Variants in SMARCC2 observed in about 807,000 individuals in gnomAD.
SMARCC2 encodes the protein SWI/SNF related BAF chromatin remodeling complex subunit C2, also known as SWI/SNF complex subunit SMARCC2.
Under a neutral mutation model 151.3 loss-of-function variants are expected in SMARCC2, and 15 were observed. The observed-to-expected ratio is 0.10, with a 90% CI of 0.07 to 0.15. The LOEUF (loss-of-function observed/expected upper bound fraction) is 0.15. Among genes scored for constraint, SMARCC2 ranks in the 10% least tolerant of loss-of-function variants. The pLI is 1.00. For missense variants in SMARCC2, 1,031 were observed against 1,599.7 expected, an observed-to-expected ratio of 0.64 and a Z score of 6.06; for synonymous variants, 590 against 609.5, an observed-to-expected ratio of 0.97 and a Z score of 0.47.
At chr12:56,187,608 C>A (rs1262936995) in intron 1 of SMARCC2, among the ~76,000 whole-genome samples, 1 of 152,154 alleles carries the variant, frequency 6.6e-6, no homozygotes, top group Non-Finnish European at 1.5e-5. Context: ...GGCACCTCAT[C>A]TTTAACCAAC....
chr12:56,178,837 T>A lies in SMARCC2; in HGVS notation c.1152A>T (p.Glu384Asp). The change falls in exon 13 of 29, where the codon GAA becomes GAT. Residue 384 changes from glutamate (E) to aspartate (D), a missense_variant. Around this residue, in one of 12 missense-constraint regions of SMARCC2, gnomAD observed 127 missense variants for 141.7 expected, o/e 0.90. Transcript: ENST00000550164. ...GGTMTDLDEQ[E>D]DESMETTGKD... is the part of the protein sequence containing the mutation. The stretch of plus-strand genomic sequence containing the variant: ...TGCCCGTCGTCTCCATGCTTTCATC[T>A]TCCTGTTCATCTGAAAGAGAAAAAC... 6.2e-7 allele frequency: 1 copy of A among 1,614,158 alleles called. No individual in the cohort carries two copies. Among genetic ancestry groups the A allele is most frequent in the Non-Finnish European group, 8.5e-7 (1 of 1,179,984 alleles).
rs770558752 is a variant in SMARCC2 at position 56,172,443 on chromosome 12, G to A, written c.1911C>T (p.Thr637=). Reference sequence around the variant, plus strand: ...CCCCAATTACCTCCAGGAGAAGCAGGGTTTCCTGTTCTGTCCACTCACGAG... The same window carrying A: ...CCCCAATTACCTCCAGGAGAAGCAGAGTTTCCTGTTCTGTCCACTCACGAG... ...SATREWTEQE[T]LLLLEALEMY... is the part of the protein sequence containing the mutation. The change falls in exon 20 of 29, where the codon ACC becomes ACT. Residue 637 remains threonine (T), a synonymous_variant. Coordinates refer to ENST00000550164, the MANE Select transcript of SMARCC2 (RefSeq NM_001330288.2). 5 of 1,573,144 alleles carry A rather than the reference G, an allele frequency of 3.2e-6. No homozygotes were observed. Among genetic ancestry groups the A allele is most frequent in the Non-Finnish European group, 4.3e-6 (5 of 1,161,378 alleles).
At chr12:56,183,979 A>C in intron 6 of SMARCC2, 49 bp from the exon 7 acceptor site, 2 of 1,347,538 alleles carry the variant, frequency 1.5e-6, no homozygotes, top group Non-Finnish European at 2.1e-6. Context: ...AGGGGGACAC[A>C]AAAAAAATAC....
chr12:56,178,097 C>T lies in SMARCC2; in HGVS notation c.1311-4G>A, dbSNP rs1875385610. 1.9e-6 allele frequency: 3 copies of T among 1,610,372 alleles called. No individual in the cohort carries two copies. In the East Asian group the frequency reaches 6.7e-5, roughly 36 times the overall value. On this transcript the variant is annotated splice_region_variant and splice_polypyrimidine_tract_variant and intron_variant, in intron 14 of 28. Transcript: ENST00000550164. Reference sequence around the variant, plus strand: ...CCTCCGCTCAATGGCATGAACACTGCAAGAAAAGCCAGAATGGTTTCAGAA... The same window carrying T: ...CCTCCGCTCAATGGCATGAACACTGTAAGAAAAGCCAGAATGGTTTCAGAA...
chr12:56,176,443 C>T lies in SMARCC2; in HGVS notation c.1382+1579G>A, dbSNP rs1188096978. Among the ~76,000 whole-genome samples, 4 of 152,160 alleles carry T rather than the reference C, an allele frequency of 2.6e-5. No homozygotes were observed. The East Asian group carries it at 5.8e-4, about 22-fold the overall frequency. Reference sequence around the variant, plus strand: ...TCCTAACCAAAGAAGACTGCCATGTCTTATCCAAAGCCAAGCAGGTTTGGC... The same window carrying T: ...TCCTAACCAAAGAAGACTGCCATGTTTTATCCAAAGCCAAGCAGGTTTGGC... On this transcript the variant is annotated intron_variant, in intron 15 of 28. Coordinates refer to ENST00000550164, the MANE Select transcript of SMARCC2 (RefSeq NM_001330288.2).
intron 1 of SMARCC2, among the ~76,000 whole-genome samples, chr12:56,188,749 T>C (rs1251641558): frequency 6.6e-6 from 1 of 152,144 alleles, no homozygotes; most frequent in Non-Finnish European, 1.5e-5. Context: ...GGAACTCCTA[T>C]ACCCCGGCTC....
At chr12:56,172,857 CTCA>C in intron 18 of SMARCC2, 77 bp downstream of exon 18, 1 of 1,575,572 alleles carries the variant, frequency 6.3e-7, no homozygotes, top group South Asian at 1.1e-5. Flanking sequence ...TTCCTCTGCT[CTCA>C]TGTCTCTTCT....
At chr12:56,180,034 T>C (rs1019993290) in intron 11 of SMARCC2, among the ~76,000 whole-genome samples, 1 of 151,858 alleles carries the variant, frequency 6.6e-6, no homozygotes, top group African/African-American at 2.4e-5. Flanking sequence ...TTTTTAGATA[T>C]GTTTGTGTTT....
intron 11 of SMARCC2, among the ~76,000 whole-genome samples, chr12:56,179,602 A>G (rs1373711565): frequency 6.6e-6 from 1 of 152,214 alleles, no homozygotes; most frequent in African/African-American, 2.4e-5. Flanking sequence ...TGGTGGAGCA[A>G]TGTCTCCAAA....
In SMARCC2 at chr12:56,164,386, C is replaced by T; in HGVS notation, c.3578G>A (p.Gly1193Glu). 1 of 1,613,830 alleles carries T rather than the reference C, an allele frequency of 6.2e-7. No homozygotes were observed. The highest frequency in any genetic ancestry group is 1.1e-5 in the South Asian group (1 of 91,074). The change falls in exon 28 of 29, where the codon GGG becomes GAG. Residue 1193 changes from glycine to glutamate, a missense_variant. By Grantham distance (98) the Gly-to-Glu change is moderately conservative (BLOSUM62 -2). Transcript: ENST00000550164. ...GCTTTGGGCTGCGGCGGATCCGAGC[C>T]CCGGCCCGAGAGGCAAGGAAGATGG... ...TMPSSLPLGPGLGSAAAQSPA... is the reference protein window; with the variant it reads ...TMPSSLPLGPELGSAAAQSPA...
In SMARCC2 at chr12:56,174,658, T is replaced by C. The variant is rs1415823630; in HGVS notation, c.1489A>G (p.Ile497Val). 2.5e-6 allele frequency: 4 copies of C among 1,611,678 alleles called. No individual in the cohort carries two copies. The highest frequency in any genetic ancestry group is 3.4e-6 in the Non-Finnish European group (4 of 1,178,058). ...CTCAGCCACAAGACCCACCTCATGA[T>C]GGCACAGACATCACCCGCTAGGTTT... The part of the protein sequence containing the change: ...RRNLAGDVCA[I>V]MRVHAFLEQW... The change falls in exon 16 of 29, where the codon ATC (isoleucine) becomes GTC (valine). Residue 497 changes from isoleucine (I) to valine (V), a missense_variant. Ile to Val is a conservative substitution (Grantham distance 29). Transcript: ENST00000550164.
At chr12:56,182,996 G>A (rs1444844431) in intron 7 of SMARCC2, among the ~76,000 whole-genome samples, 2 of 150,708 alleles carry the variant, frequency 1.3e-5, no homozygotes, top group Non-Finnish European at 3.0e-5. Context: ...ACCATGCCCA[G>A]CTAATTTCTG....
chr12:56,182,865 G>C (rs1876509986), intron 7 of SMARCC2, among the ~76,000 whole-genome samples: 1 of 145,594 alleles, frequency 6.9e-6, no homozygotes, highest in South Asian at 2.3e-4. Flanking sequence ...ACAGGGTCTT[G>C]CTCTATTGCC....
Position 56,174,000 on chromosome 12 carries a change from C to G in SMARCC2, c.1497-151G>C, listed in dbSNP as rs1172680470. The stretch of plus-strand genomic sequence containing the variant: ...CATTGTACTCCTTAAGAAATCTCAC[C>G]TACTCCAGTTGTTCATTTATCACCT... On this transcript the variant is annotated intron_variant, in intron 16 of 28. Coordinates refer to ENST00000550164, the MANE Select transcript of SMARCC2 (RefSeq NM_001330288.2). 2.0e-5 allele frequency: 12 copies of G among 605,668 alleles called. No individual in the cohort carries two copies. The Admixed American group carries it at 3.4e-4, about 17-fold the overall frequency. The allele number at this position is 605,668 out of a possible 1,614,324, so 37.5% of individuals were successfully genotyped here.
Position 56,163,674 on chromosome 12 carries a change from T to G in SMARCC2, c.*15A>C. 4 of 1,468,518 alleles carry G rather than the reference T, an allele frequency of 2.7e-6. 1 individual carries two copies. In the Middle Eastern group the frequency reaches 5.5e-4, roughly 202 times the overall value. 91.0% of individuals were successfully genotyped at this position (1,468,518 alleles called of 1,614,324 possible). On this transcript the variant is annotated 3_prime_UTR_variant, in exon 29 of 29. Transcript: ENST00000550164. The stretch of plus-strand genomic sequence containing the variant: ...GTCCACAGGGGGTGAGGGGGAGAGA[T>G]GTCTGGCTGGCTCCTCACTGTGGAG...
intron 20 of SMARCC2, 66 bp from the exon 21 acceptor site, chr12:56,172,003 C>A: frequency 2.0e-6 from 3 of 1,482,958 alleles, no homozygotes; most frequent in Non-Finnish European, 1.8e-6. Flanking sequence ...TGACTCCCCC[C>A]ATCCTACTAA....
chr12:56,181,849 GC>G lies in SMARCC2; in HGVS notation c.709-15del. On this transcript the variant is annotated splice_polypyrimidine_tract_variant and intron_variant, in intron 8 of 28. Coordinates refer to ENST00000550164, the MANE Select transcript of SMARCC2 (RefSeq NM_001330288.2). Reference sequence around the variant, plus strand: ...CTTTGCATGAACCTAAAGTACAAAGGCAGATCATGCTGCAGAGAAGCCTGGA... The same window carrying G: ...CTTTGCATGAACCTAAAGTACAAAGGAGATCATGCTGCAGAGAAGCCTGGA... The G allele has an allele frequency of 6.2e-7, 1 of 1,614,058 alleles. No individual in the cohort carries two copies. The highest frequency in any genetic ancestry group is 1.1e-5 in the South Asian group (1 of 91,074).
chr12:56,175,404 G>C (rs1464958215), intron 15 of SMARCC2, among the ~76,000 whole-genome samples: 2 of 152,204 alleles, frequency 1.3e-5, no homozygotes, highest in African/African-American at 4.8e-5. Context: ...CATGCATATA[G>C]CTAGTCAGCA....
intron 1 of SMARCC2, 139 bp downstream of exon 1, chr12:56,189,200 CGGGAGCGCAGGA>C: frequency 4.0e-6 from 1 of 253,034 alleles, no homozygotes; most frequent in Non-Finnish European, 6.3e-6. Flanking sequence ...GGGAGGGGCG[CGGGAGCGCAGGA>C]GGGCGCGCGG....
Sources: gnomAD v4.1 joint callset for allele counts (sites outside exome capture counted in the v4.1 genomes callset) on GRCh38, gnomAD v4.1.1 for gene constraint, gnomAD v4.1.1 regional missense constraint, MANE v1.5 for transcripts, NCBI Gene and HGNC (gene_info 2026-07-23, HGNC 2026-07-21) for gene names.